Variants in DNASE1 observed in about 807,000 individuals in gnomAD.
DNASE1 encodes the protein deoxyribonuclease-1.
A neutral mutation model predicts 33.9 loss-of-function variants in DNASE1; 40 were observed. The ratio of observed to expected loss-of-function variants is 1.18; its 90% CI spans 0.92 to 1.54. DNASE1 has a LOEUF of 1.54. Among genes scored for constraint, DNASE1 ranks in the 40% most tolerant of loss-of-function variants. DNASE1 has a pLI of 0.00. For synonymous variants in DNASE1, 216 were observed against 160.0 expected (o/e 1.35, Z -2.64); for missense variants, 518 against 372.6 (o/e 1.39, Z -3.21).
At chr16:3,622,823 G>C (rs1285666618) in intron 1 of DNASE1, among the ~76,000 whole-genome samples, 1 of 152,052 alleles carries the variant, frequency 6.6e-6, no homozygotes, top group Non-Finnish European at 1.5e-5. Flanking sequence ...AACTTTTCTT[G>C]TATGCACATA....
intron 1 of DNASE1, among the ~76,000 whole-genome samples, chr16:3,622,991 A>G (rs1736324522): frequency 6.6e-6 from 1 of 152,136 alleles, no homozygotes; most frequent in East Asian, 1.9e-4. Flanking sequence ...TGAGAGCTTG[A>G]GACCAGCCTC....
downstream of DNASE1, chr16:3,662,189 C>T: frequency 1.3e-6 from 2 of 1,570,982 alleles, no homozygotes; most frequent in Non-Finnish European, 1.7e-6. Context: ...AGAGGGCTGG[C>T]AGGATCTTAC....
upstream of DNASE1, among the ~76,000 whole-genome samples, chr16:3,639,784 C>A (rs117348534): frequency 0.049 from 7,430 of 152,206 alleles, 231 homozygotes; most frequent in Admixed American, 0.067. Context: ...TGGCCAGGCC[C>A]GGTGTGGTGG....
intron 1 of DNASE1, among the ~76,000 whole-genome samples, chr16:3,622,438 C>T (rs1012737397): frequency 1.3e-5 from 2 of 152,084 alleles, no homozygotes; most frequent in East Asian, 1.9e-4. Flanking sequence ...TACCTATGAC[C>T]TTATGTTTGT....
At chr16:3,645,729 G>C (rs2151197729) in intron 1 of DNASE1, among the ~76,000 whole-genome samples, 1 of 152,360 alleles carries the variant, frequency 6.6e-6, no homozygotes, top group East Asian at 1.9e-4. Context: ...TGACTGTGCA[G>C]CTGTTGTAAG....
Position 3,657,041 on chromosome 16 carries a change from G to C in DNASE1, c.479G>C (p.Gly160Ala). Residue 160 changes from glycine (G) to alanine (A), a missense_variant, in exon 6 of 9, where the codon GGG (glycine) becomes GCG (alanine). Physicochemically the swap from Gly to Ala is moderately conservative, Grantham distance 60. Transcript: ENST00000246949. ...FAIVPLHAAP[G>A]DAVAEIDALY... Reference sequence around the variant, plus strand: ...ATTGTTCCCCTGCATGCGGCCCCGGGGGACGCAGTAGCCGAGATCGACGCT... The same window carrying C: ...ATTGTTCCCCTGCATGCGGCCCCGGCGGACGCAGTAGCCGAGATCGACGCT... 6.2e-7 allele frequency: 1 copy of C among 1,613,744 alleles called. No homozygotes were observed.
chr16:3,642,038 G>T (rs932730563), upstream of DNASE1, among the ~76,000 whole-genome samples: 8 of 152,230 alleles, frequency 5.3e-5, no homozygotes, highest in Non-Finnish European at 1.0e-4. Context: ...GCTGCATCAT[G>T]GCACTGGCAG....
downstream of DNASE1, chr16:3,661,962 G>A (rs371553359): frequency 4.8e-5 from 75 of 1,574,314 alleles, no homozygotes; most frequent in African/African-American, 5.1e-4. Flanking sequence ...CCCACAGGCT[G>A]GAAGAGCCAG....
Position 3,664,663 on chromosome 16 carries a change from T to A in DNASE1, c.*6710T>A, listed in dbSNP as rs535054114. On this transcript the variant is annotated 3_prime_UTR_variant, in exon 10 of 10. Transcript: ENST00000407479. ...GCCCCTTTTGGGAGCTCTGGGGGCT[T>A]AGGAAGCACCTCCTGCCCCAGGTGG... 2.8e-4 allele frequency: 161 copies of A among 570,616 alleles called. 4 individuals carry two copies. The South Asian group carries it at 3.4e-3, about 12-fold the overall frequency. 35.3% of individuals were successfully genotyped at this position (570,616 alleles called of 1,614,324 possible).
chr16:3,653,089 G>A (rs949977439), upstream of DNASE1: 1 of 152,276 alleles, frequency 6.6e-6, no homozygotes, highest in Non-Finnish European at 1.5e-5. Context: ...AGTAAAGGCT[G>A]TTGAGATAAG....
At chr16:3,658,214 A>G (rs2042831201), downstream of DNASE1, 2 of 1,613,664 alleles carry the variant, frequency 1.2e-6, no homozygotes, top group Non-Finnish European at 1.7e-6. Flanking sequence ...AGCAGCAATC[A>G]TGGCGTTCTC....
chr16:3,657,037 C>T lies in DNASE1; in HGVS notation c.475C>T (p.Pro159Ser). ...EFAIVPLHAAPGDAVAEIDAL... is the reference protein window; with the variant it reads ...EFAIVPLHAASGDAVAEIDAL... ...TGCCATTGTTCCCCTGCATGCGGCC[C>T]CGGGGGACGCAGTAGCCGAGATCGA... Residue 159 changes from proline to serine, a missense_variant, in exon 6 of 9, where the codon CCG becomes TCG. Coordinates refer to ENST00000246949, the MANE Select transcript of DNASE1 (RefSeq NM_005223.4). 6.2e-7 allele frequency: 1 copy of T among 1,613,696 alleles called. No individual in the cohort carries two copies.
chr16:3,659,063 T>A (rs923879874), downstream of DNASE1: 1 of 588,478 alleles, frequency 1.7e-6, no homozygotes, highest in Admixed American at 3.4e-5. Flanking sequence ...AGTGTCAGTA[T>A]TAGAAAATGC....
chr16:3,637,368 T>C (rs1295396271), intron 1 of DNASE1, among the ~76,000 whole-genome samples: 2 of 152,208 alleles, frequency 1.3e-5, no homozygotes, highest in East Asian at 3.8e-4. Flanking sequence ...GCCCTATTTA[T>C]GTGGTGGGAA....
chr16:3,629,674 T>C (rs994405497), intron 1 of DNASE1, among the ~76,000 whole-genome samples: 5 of 152,206 alleles, frequency 3.3e-5, no homozygotes, highest in Non-Finnish European at 7.4e-5. Flanking sequence ...GTTGTTTAAA[T>C]GTTTGGTAGA....
At chr16:3,642,491 C>A (rs139721589), upstream of DNASE1, among the ~76,000 whole-genome samples, 10 of 152,208 alleles carry the variant, frequency 6.6e-5, no homozygotes, top group African/African-American at 2.4e-4. Context: ...TAAACTGTGG[C>A]TCCAGAGCAG....
chr16:3,619,584 A>G (rs543555154), intron 1 of DNASE1, among the ~76,000 whole-genome samples: 27 of 144,520 alleles, frequency 1.9e-4, no homozygotes, highest in East Asian at 1.5e-3. Flanking sequence ...GATGGTCTCT[A>G]TCTGCGGACC....
intron 2 of DNASE1, 36 bp downstream of exon 2, chr16:3,655,556 A>C: frequency 6.2e-7 from 1 of 1,613,510 alleles, no homozygotes; most frequent in Non-Finnish European, 8.5e-7. Flanking sequence ...AAAGCAGAGG[A>C]GCTCTGGAGT....
At chr16:3,664,818 G>A (rs953103511) in exon 10 of DNASE1, 3 of 225,862 alleles carry the variant, frequency 1.3e-5, no homozygotes, top group Non-Finnish European at 2.6e-5. Context: ...GTGGGCACAC[G>A]GACACGGGTG....
Sources: allele counts gnomAD v4.1 joint callset (sites outside exome capture counted in the v4.1 genomes callset), GRCh38; gene constraint gnomAD v4.1.1; transcripts MANE v1.5; gene names NCBI Gene and HGNC (gene_info 2026-07-23, HGNC 2026-07-21).